The following ARB2A variants were observed in gnomAD, a reference collection of about 807,000 sequenced individuals.
ARB2A encodes the protein cotranscriptional regulator ARB2A.
chr5:94,025,139 A>T, the ARB2A span, among the ~76,000 whole-genome samples: 1 of 152,246 alleles, frequency 6.6e-6, no homozygotes, highest in Admixed American at 6.5e-5. Context: ...GCAGGCATAG[A>T]TGGACTACAT....
At chr5:93,618,818 G>A in the ARB2A span, 7 of 152,308 alleles carry the variant, frequency 4.6e-5, no homozygotes, top group East Asian at 1.3e-3. Flanking sequence ...CAATTAAATA[G>A]TGATTTATTC....
chr5:93,768,525 A>ATATACACTATATATAGCGTATACATT, the ARB2A span, among the ~76,000 whole-genome samples: 4 of 150,610 alleles, frequency 2.7e-5, no homozygotes, highest in African/African-American at 4.9e-5. Flanking sequence ...ACATACATAT[A>ATATACACTATATATAGCGTATACATT]TATACACTAT....
the ARB2A span, among the ~76,000 whole-genome samples, chr5:94,036,403 ATTTCC>A: frequency 2.0e-5 from 3 of 152,150 alleles, no homozygotes; most frequent in Admixed American, 6.6e-5. Context: ...ATATGTATTT[ATTTCC>A]TTTCCTTTCT....
chr5:93,947,521 T>C, the ARB2A span, among the ~76,000 whole-genome samples: 10 of 151,688 alleles, frequency 6.6e-5, no homozygotes, highest in Non-Finnish European at 1.5e-4. Flanking sequence ...TTTATTATTA[T>C]TATTATTATT....
At chr5:93,729,612 T>C in the ARB2A span, among the ~76,000 whole-genome samples, 21 of 152,288 alleles carry the variant, frequency 1.4e-4, no homozygotes, top group Non-Finnish European at 1.8e-4. Flanking sequence ...GATATGTGTA[T>C]GTACGTTTTT....
chr5:93,623,474 G>T, the ARB2A span, among the ~76,000 whole-genome samples: 2 of 152,056 alleles, frequency 1.3e-5, no homozygotes, highest in Admixed American at 6.5e-5. Context: ...AGGAGTCAAC[G>T]GTCTGAAGCA....
chr5:93,754,847 C>A, the ARB2A span, among the ~76,000 whole-genome samples: 2 of 152,112 alleles, frequency 1.3e-5, no homozygotes, highest in Non-Finnish European at 2.9e-5. Flanking sequence ...TATTAATTTT[C>A]CTTTTAATTT....
the ARB2A span, among the ~76,000 whole-genome samples, chr5:93,980,646 T>C: frequency 6.6e-6 from 1 of 152,150 alleles, no homozygotes; most frequent in Admixed American, 6.5e-5. Context: ...TTCTGAGCTA[T>C]ATACTAAGTA....
At chr5:93,817,587 A>G in the ARB2A span, among the ~76,000 whole-genome samples, 6 of 152,222 alleles carry the variant, frequency 3.9e-5, no homozygotes, top group Non-Finnish European at 7.4e-5. Flanking sequence ...ACAAAGCTAC[A>G]GTAATCAAGT....
At chr5:94,093,929 T>C in the ARB2A span, among the ~76,000 whole-genome samples, 1 of 152,028 alleles carries the variant, frequency 6.6e-6, no homozygotes, top group Non-Finnish European at 1.5e-5. Flanking sequence ...TAGAAAGATA[T>C]TAGAAAGAAG....
the ARB2A span, among the ~76,000 whole-genome samples, chr5:93,907,821 T>A: frequency 6.6e-6 from 1 of 151,422 alleles, no homozygotes. Flanking sequence ...TAGGAAGACA[T>A]GTATCATGGC....
the ARB2A span, among the ~76,000 whole-genome samples, chr5:93,931,232 G>A: frequency 6.6e-6 from 1 of 152,132 alleles, no homozygotes; most frequent in African/African-American, 2.4e-5. Context: ...TTGGGAGGAC[G>A]AGGTGGGCAG....
chr5:94,052,538 GTAA>G, the ARB2A span, among the ~76,000 whole-genome samples: 1 of 152,098 alleles, frequency 6.6e-6, no homozygotes, highest in Non-Finnish European at 1.5e-5. Flanking sequence ...CACCTACCCT[GTAA>G]TAATATTACC....
the ARB2A span, among the ~76,000 whole-genome samples, chr5:93,713,769 C>A: frequency 6.6e-6 from 1 of 152,182 alleles, no homozygotes; most frequent in African/African-American, 2.4e-5. Flanking sequence ...ATAAAATTTT[C>A]ATTGTCCATA....
the ARB2A span, among the ~76,000 whole-genome samples, chr5:93,870,973 T>C: frequency 6.6e-6 from 1 of 152,244 alleles, no homozygotes; most frequent in African/African-American, 2.4e-5. Context: ...TGGAATAGCA[T>C]TTGTACTTGT....
At chr5:93,791,430 C>T in the ARB2A span, among the ~76,000 whole-genome samples, 8 of 152,184 alleles carry the variant, frequency 5.3e-5, no homozygotes, top group African/African-American at 1.7e-4. Flanking sequence ...ATACCCCAAA[C>T]GTATAAACTG....
At chr5:93,788,828 T>C in the ARB2A span, among the ~76,000 whole-genome samples, 1 of 152,210 alleles carries the variant, frequency 6.6e-6, no homozygotes, top group South Asian at 2.1e-4. Context: ...ATCCAGGGCC[T>C]TGGGTTATGG....
the ARB2A span, among the ~76,000 whole-genome samples, chr5:93,699,761 C>G: frequency 7.5e-4 from 114 of 151,818 alleles, no homozygotes; most frequent in African/African-American, 2.6e-3. Context: ...TTTCAAGTTA[C>G]GTGAATTCTA....
the ARB2A span, among the ~76,000 whole-genome samples, chr5:93,783,415 C>T: frequency 6.6e-6 from 1 of 152,030 alleles, no homozygotes; most frequent in East Asian, 1.9e-4. Flanking sequence ...TAATATAATG[C>T]TACTATGAAA....
Sources: allele counts gnomAD v4.1 joint callset (sites outside exome capture counted in the v4.1 genomes callset), GRCh38; gene constraint gnomAD v4.1.1; transcripts MANE v1.5; gene names NCBI Gene and HGNC (gene_info 2026-07-23, HGNC 2026-07-21).